ABCC12: variants seen among roughly 807,000 people sequenced by gnomAD.
ABCC12 encodes the protein ATP-binding cassette sub-family C member 12.
A neutral mutation model predicts 151.1 loss-of-function variants in ABCC12; 142 were observed. The observed-to-expected ratio is 0.94, with a 90% CI of 0.82 to 1.08. The LOEUF is 1.08. Among genes scored for constraint, ABCC12 ranks in the 50% least tolerant of loss-of-function variants. ABCC12 has a pLI of 0.00. For synonymous variants in ABCC12, 645 were observed against 646.4 expected (o/e 1.00, Z 0.03); for missense variants, 1,638 against 1,691.1 (o/e 0.97, Z 0.55).
intron 15 of ABCC12, among the ~76,000 whole-genome samples, chr16:48,113,752 T>C (rs1465667314): frequency 2.6e-5 from 4 of 152,192 alleles, no homozygotes; most frequent in Non-Finnish European, 2.9e-5. Flanking sequence ...TCTAAGGAGA[T>C]GGACCTGGTG....
intron 25 of ABCC12, 49 bp downstream of exon 25, chr16:48,091,071 T>C: frequency 6.3e-7 from 1 of 1,574,878 alleles, no homozygotes; most frequent in Non-Finnish European, 8.7e-7. Context: ...TTTGCCCAAG[T>C]CCTGCCAAAA....
At chr16:48,141,080 C>A in intron 5 of ABCC12, 126 bp downstream of exon 5, 1 of 1,426,866 alleles carries the variant, frequency 7.0e-7, no homozygotes. Flanking sequence ...TATGAAAATT[C>A]GCCCCCAAGG....
rs201230553 is a variant in ABCC12, at chr16:48,111,512, G to A, written c.2210-5C>T. On this transcript the variant is annotated splice_region_variant and splice_polypyrimidine_tract_variant and intron_variant, in intron 17 of 30. Transcript: ENST00000311303. Reference sequence around the variant, plus strand: ...TCTCATTTCCTGGAGCCAAAACTAGGGTGAGAAATAAAGAGAGATCTGTGT... The same window carrying A: ...TCTCATTTCCTGGAGCCAAAACTAGAGTGAGAAATAAAGAGAGATCTGTGT... 1 of 1,614,074 alleles carries A rather than the reference G, an allele frequency of 6.2e-7. No homozygotes were observed. Among genetic ancestry groups the A allele is most frequent in the African/African-American group, 1.3e-5 (1 of 74,992 alleles).
chr16:48,124,335 G>A (rs756117148), intron 11 of ABCC12, 51 bp from the exon 12 acceptor site: 10 of 1,590,906 alleles, frequency 6.3e-6, no homozygotes, highest in Non-Finnish European at 8.6e-6. Context: ...ACTTCTTAGA[G>A]GGTCTGGCCC....
At chr16:48,135,382 A>T (rs1370453923) in intron 8 of ABCC12, among the ~76,000 whole-genome samples, 1 of 151,974 alleles carries the variant, frequency 6.6e-6, no homozygotes, top group Non-Finnish European at 1.5e-5. Flanking sequence ...CCAGATTTTT[A>T]TTTATTTATT....
intron 8 of ABCC12, among the ~76,000 whole-genome samples, chr16:48,134,550 G>A (rs548505829): frequency 1.3e-5 from 2 of 152,330 alleles, no homozygotes; most frequent in South Asian, 4.1e-4. Flanking sequence ...ACAGACCTCA[G>A]AGAAGGGGGA....
At chr16:48,114,828 G>A (rs1963818982) in intron 15 of ABCC12, among the ~76,000 whole-genome samples, 2 of 152,174 alleles carry the variant, frequency 1.3e-5, no homozygotes, top group South Asian at 4.1e-4. Flanking sequence ...AATTCACTGA[G>A]GTCAAGCCCA....
chr16:48,103,580 C>G (rs1486325808), intron 22 of ABCC12, among the ~76,000 whole-genome samples: 1 of 152,210 alleles, frequency 6.6e-6, no homozygotes, highest in East Asian at 1.9e-4. Context: ...AGCTGGGGCT[C>G]TAATGCAAAT....
chr16:48,124,462 A>G (rs950893771), intron 11 of ABCC12, among the ~76,000 whole-genome samples, 178 bp from the exon 12 acceptor site: 1 of 152,214 alleles, frequency 6.6e-6, no homozygotes. Flanking sequence ...ACAGCCTGGG[A>G]GGATGCAGGA....
intron 24 of ABCC12, among the ~76,000 whole-genome samples, chr16:48,093,743 G>GC (rs1343274869): frequency 6.6e-6 from 1 of 152,204 alleles, no homozygotes; most frequent in Non-Finnish European, 1.5e-5. Flanking sequence ...TTTGCTAAAT[G>GC]CAAGAGTATC....
At position 48,111,706 on chromosome 16, in the gene ABCC12, C is replaced by T. The variant is rs758260999; in HGVS notation, c.2125-44G>A. The stretch of plus-strand genomic sequence containing the variant: ...TCCTTCTGAATGCTAAGTGACAGGA[C>T]CTCTCCCAGGCACGAAATCCTGAGG... On this transcript the variant is annotated intron_variant, in intron 16 of 30. Coordinates refer to ENST00000311303, the MANE Select transcript of ABCC12 (RefSeq NM_001393797.1). The T allele has an allele frequency of 5.0e-6, 8 of 1,614,062 alleles. No homozygotes were observed. In the Admixed American group the frequency reaches 8.3e-5, roughly 17 times the overall value.
Position 48,141,279 on chromosome 16 carries a change from T to C in ABCC12, c.350A>G (p.Lys117Arg). The C allele has an allele frequency of 6.2e-7, 1 of 1,614,198 alleles. No homozygotes were observed. The highest frequency in any genetic ancestry group is 8.5e-7 in the Non-Finnish European group (1 of 1,180,030). Residue 117 changes from lysine (K) to arginine (R), a missense_variant, in exon 5 of 31, where the codon AAA (lysine) becomes AGA (arginine). Physicochemically the swap from Lys to Arg is conservative, Grantham distance 26. Coordinates refer to ENST00000311303, the MANE Select transcript of ABCC12 (RefSeq NM_001393797.1). ...EKASLSHVVW[K>R]FQRTRVLMDI... The stretch of plus-strand genomic sequence containing the variant: ...CATCAACACGCGTGTCCTCTGGAAT[T>C]TCCACACCACGTGGCTCAGAGAGGC...
intron 8 of ABCC12, among the ~76,000 whole-genome samples, chr16:48,136,377 C>T (rs1275000420): frequency 2.6e-5 from 4 of 152,186 alleles, no homozygotes; most frequent in Admixed American, 1.3e-4. Context: ...GTCTCCCCAA[C>T]CCAGTGTGCT....
intron 8 of ABCC12, among the ~76,000 whole-genome samples, chr16:48,137,962 TA>T (rs1477603981): frequency 6.6e-6 from 1 of 152,160 alleles, no homozygotes; most frequent in Non-Finnish European, 1.5e-5. Flanking sequence ...GGATTATTTT[TA>T]TAAAAAGTAA....
rs778201470 is a variant in ABCC12 at position 48,144,041 on chromosome 16, A to G, written c.144T>C (p.Asp48=). ...CARLAPNPVD[D]AGLLSFATFS... is the part of the protein sequence containing the mutation. ...ATGTGGCGAAGGAGAGTAGCCCGGC[A>G]TCATCCACCGGGTTGGGTGCTAACC... Residue 48 remains aspartate (D), a synonymous_variant, in exon 4 of 31, where the codon GAT becomes GAC. Coordinates refer to ENST00000311303, the MANE Select transcript of ABCC12 (RefSeq NM_001393797.1). The G allele has an allele frequency of 7.4e-6, 12 of 1,614,112 alleles. No individual in the cohort carries two copies. Among genetic ancestry groups the G allele is most frequent in the Non-Finnish European group, 9.3e-6 (11 of 1,179,966 alleles).
chr16:48,141,424 C>A, intron 4 of ABCC12, 71 bp from the exon 5 acceptor site: 1 of 1,579,116 alleles, frequency 6.3e-7, no homozygotes, highest in Non-Finnish European at 8.6e-7. Flanking sequence ...CGCTGTTGGG[C>A]ATGCTCTTGC....
intron 3 of ABCC12, 21 bp downstream of exon 3, chr16:48,146,285 T>C: frequency 6.2e-7 from 1 of 1,610,950 alleles, no homozygotes; most frequent in Non-Finnish European, 8.5e-7. Context: ...GGCCCTCCCT[T>C]CTGTCCTTCT....
intron 13 of ABCC12, among the ~76,000 whole-genome samples, chr16:48,117,852 C>A (rs1963940573): frequency 1.3e-5 from 2 of 152,316 alleles, no homozygotes; most frequent in South Asian, 4.1e-4. Context: ...CCATCCACCC[C>A]TCACTGCTAG....
rs549761988 is a variant in ABCC12, at chr16:48,115,907, A to G, written c.1786-289T>C. 1.2e-4 allele frequency among the ~76,000 whole-genome samples: 18 copies of G among 152,338 alleles called. 1 individual carries two copies. The highest frequency in any genetic ancestry group is 9.8e-4 in the Admixed American group (15 of 15,310). On this transcript the variant is annotated intron_variant, in intron 14 of 30. Coordinates refer to ENST00000311303, the MANE Select transcript of ABCC12 (RefSeq NM_001393797.1). ...GCCCATCTCACAAGACCCCAGCCCA[A>G]TGCAGATCCCACAGGGAGGGGCTAC... is the stretch of plus-strand genomic sequence containing the variant.
Sources: gnomAD v4.1 joint callset for allele counts (sites outside exome capture counted in the v4.1 genomes callset) on GRCh38, gnomAD v4.1.1 for gene constraint, MANE v1.5 for transcripts, NCBI Gene and HGNC (gene_info 2026-07-23, HGNC 2026-07-21) for gene names.